Variants in CDK19 observed in about 807,000 individuals in gnomAD.
CDK19 encodes the protein cyclin-dependent kinase 19.
In CDK19, 20 loss-of-function variants were observed where a neutral mutation model predicts 68.3. The observed-to-expected ratio is 0.29, with a 90% CI of 0.21 to 0.43. CDK19 has a LOEUF of 0.43. Ranked by LOEUF, CDK19 falls within the 20% of genes least tolerant of loss-of-function variation. The pLI, the probability that CDK19 is intolerant of heterozygous loss-of-function variation, is 1.00. For missense variants in CDK19, 339 were observed against 623.5 expected (o/e 0.54, Z 4.86); for synonymous variants, 221 against 222.8 (o/e 0.99, Z 0.07).
At chr6:110,797,127 G>A (rs1364161406) in intron 1 of CDK19, among the ~76,000 whole-genome samples, 1 of 151,838 alleles carries the variant, frequency 6.6e-6, no homozygotes, top group East Asian at 1.9e-4. Context: ...GGATCACGAG[G>A]TCAGGAGTTC....
At chr6:110,702,301 T>C (rs746859958) in intron 2 of CDK19, among the ~76,000 whole-genome samples, 6 of 151,874 alleles carry the variant, frequency 4.0e-5, no homozygotes, top group Non-Finnish European at 7.4e-5. Context: ...AAAAATTAAT[T>C]AGCTGGGCAT....
intron 1 of CDK19, among the ~76,000 whole-genome samples, chr6:110,779,755 T>C (rs1433068467): frequency 6.6e-6 from 1 of 151,880 alleles, no homozygotes; most frequent in Non-Finnish European, 1.5e-5. Context: ...ATCTCTACAA[T>C]AAATAAATAA....
intron 1 of CDK19, among the ~76,000 whole-genome samples, chr6:110,753,328 T>C (rs760085684): frequency 6.6e-6 from 1 of 152,122 alleles, no homozygotes; most frequent in Non-Finnish European, 1.5e-5. Context: ...GCTCTAAAAT[T>C]ATAAAATTTT....
intron 2 of CDK19, among the ~76,000 whole-genome samples, chr6:110,696,806 CA>C (rs571715550): frequency 9.9e-5 from 15 of 152,274 alleles, no homozygotes; most frequent in African/African-American, 3.4e-4. Context: ...CCTGTAATCC[CA>C]GCACTTTGGG....
chr6:110,640,900 T>G (rs983935588), intron 4 of CDK19, among the ~76,000 whole-genome samples: 1 of 151,994 alleles, frequency 6.6e-6, no homozygotes, highest in Admixed American at 6.6e-5. Context: ...GAGGCTAGAG[T>G]GAGCTGTGAG....
chr6:110,790,920 C>G (rs924553657), intron 1 of CDK19, among the ~76,000 whole-genome samples: 1 of 151,974 alleles, frequency 6.6e-6, no homozygotes, highest in African/African-American at 2.4e-5. Flanking sequence ...GCCTGTAATC[C>G]CAGCACTTTG....
At chr6:110,809,745 A>T (rs1782939927) in intron 1 of CDK19, among the ~76,000 whole-genome samples, 1 of 152,210 alleles carries the variant, frequency 6.6e-6, no homozygotes, top group Non-Finnish European at 1.5e-5. Context: ...CATCTTTACC[A>T]ATTAAAGGCA....
At position 110,611,268 on chromosome 6, in the gene CDK19, T is replaced by A. The variant is rs1241510729; in HGVS notation, c.*3267A>T. 2 of 152,312 alleles carry A rather than the reference T, an allele frequency of 1.3e-5. No individual in the cohort carries two copies. The highest frequency in any genetic ancestry group is 6.5e-5 in the Admixed American group (1 of 15,294). 9.4% of individuals were successfully genotyped at this position (152,312 alleles called of 1,614,324 possible). On this transcript the variant is annotated 3_prime_UTR_variant, in exon 13 of 13. Transcript: ENST00000368911. ...TTTGTAACACGAAGAGCAGAAAGCC[T>A]TCACTTGGATTCATTCCTTCCTGTC...
chr6:110,640,815 G>A (rs1780097616), intron 4 of CDK19, among the ~76,000 whole-genome samples: 1 of 152,088 alleles, frequency 6.6e-6, no homozygotes, highest in Non-Finnish European at 1.5e-5. Flanking sequence ...AAATTATCCA[G>A]GCATGGTGGC....
At chr6:110,677,751 T>C (rs369851548) in intron 2 of CDK19, among the ~76,000 whole-genome samples, 23 of 152,292 alleles carry the variant, frequency 1.5e-4, no homozygotes, top group African/African-American at 4.8e-4. Context: ...CACTGAATTA[T>C]ATTAGAGTAT....
chr6:110,812,095 T>G (rs760720981), intron 1 of CDK19, among the ~76,000 whole-genome samples: 1 of 151,568 alleles, frequency 6.6e-6, no homozygotes, highest in African/African-American at 2.4e-5. Context: ...AAGCCTCTCT[T>G]CCTGCAAAAC....
intron 2 of CDK19, among the ~76,000 whole-genome samples, chr6:110,715,034 G>A (rs547336921): frequency 7.2e-5 from 11 of 151,924 alleles, no homozygotes; most frequent in South Asian, 4.2e-4. Flanking sequence ...ATGCCTGGCC[G>A]AAAAATGTCT....
chr6:110,665,750 TTTTG>T (rs1351211002), intron 4 of CDK19, among the ~76,000 whole-genome samples: 1 of 152,090 alleles, frequency 6.6e-6, no homozygotes, highest in Non-Finnish European at 1.5e-5. Context: ...CCAATAATCT[TTTTG>T]TTTATTTGTT....
chr6:110,682,544 A>C (rs1453427853), intron 2 of CDK19, among the ~76,000 whole-genome samples: 3 of 152,138 alleles, frequency 2.0e-5, no homozygotes, highest in African/African-American at 4.8e-5. Context: ...CATACTCTGA[A>C]AAGGGGTCTG....
At chr6:110,779,330 A>C (rs1304238503) in intron 1 of CDK19, among the ~76,000 whole-genome samples, 1 of 152,142 alleles carries the variant, frequency 6.6e-6, no homozygotes, top group Non-Finnish European at 1.5e-5. Flanking sequence ...TCCTCCAAAA[A>C]GCTTTCCTGC....
intron 1 of CDK19, among the ~76,000 whole-genome samples, chr6:110,802,290 A>G (rs901199471): frequency 2.0e-5 from 3 of 152,232 alleles, no homozygotes; most frequent in African/African-American, 7.2e-5. Flanking sequence ...CTGGGTGTCT[A>G]TCAACAGTTA....
chr6:110,646,360 A>T, intron 4 of CDK19: 3 of 1,465,324 alleles, frequency 2.0e-6, no homozygotes, highest in East Asian at 2.5e-5. Context: ...TGCCTCTTCC[A>T]TGTGGGCGAC....
intron 2 of CDK19, among the ~76,000 whole-genome samples, chr6:110,678,309 G>A (rs75760055): frequency 0.047 from 7,191 of 151,916 alleles, 179 homozygotes; most frequent in Middle Eastern, 0.079. Context: ...CATCTCCCCT[G>A]AACACCAGCT....
chr6:110,673,947 T>C (rs545410553), intron 2 of CDK19, among the ~76,000 whole-genome samples: 1 of 152,272 alleles, frequency 6.6e-6, no homozygotes, highest in East Asian at 1.9e-4. Context: ...GCTTCACAGA[T>C]ACTGTGTTTT....
Sources: allele counts gnomAD v4.1 joint callset (sites outside exome capture counted in the v4.1 genomes callset), GRCh38; gene constraint gnomAD v4.1.1; transcripts MANE v1.5; gene names NCBI Gene and HGNC (gene_info 2026-07-23, HGNC 2026-07-21).